The following CSMD1 variants were observed in gnomAD, a reference collection of about 807,000 sequenced individuals.
CSMD1 encodes the protein CUB and sushi domain-containing protein 1.
In CSMD1, 213 loss-of-function variants were observed where a neutral mutation model predicts 417.5. That is an observed-to-expected ratio of 0.51 (90% CI 0.46 to 0.57). CSMD1 has a LOEUF of 0.57. Ranked by LOEUF, CSMD1 falls within the 20% of genes least tolerant of loss-of-function variation. CSMD1 has a pLI of 0.00. For missense variants in CSMD1, 6,923 were observed against 4,529.7 expected (o/e 1.53, Z -15.17); for synonymous variants, 2,862 against 1,736.8 (o/e 1.65, Z -16.11).
chr8:3,914,313 C>G (rs1000314597), intron 5 of CSMD1, among the ~76,000 whole-genome samples: 1 of 151,726 alleles, frequency 6.6e-6, no homozygotes, highest in South Asian at 2.1e-4. Flanking sequence ...TTTTTAAGAA[C>G]GAGGAAGAGA....
chr8:4,892,953 G>A (rs1436881947), intron 1 of CSMD1, among the ~76,000 whole-genome samples: 1 of 152,056 alleles, frequency 6.6e-6, no homozygotes, highest in African/African-American at 2.4e-5. Context: ...GCATTAATAT[G>A]AGCATATTGT....
At chr8:3,045,576 G>A (rs1245864351) in intron 50 of CSMD1, among the ~76,000 whole-genome samples, 1 of 152,042 alleles carries the variant, frequency 6.6e-6, no homozygotes, top group Non-Finnish European at 1.5e-5. Flanking sequence ...TATTACCTAT[G>A]GTGACCCCAT....
chr8:4,335,647 T>C (rs1191461155), intron 3 of CSMD1, among the ~76,000 whole-genome samples: 1 of 152,128 alleles, frequency 6.6e-6, no homozygotes, highest in East Asian at 1.9e-4. Flanking sequence ...TTTAATAAAA[T>C]GAAAAGTTGC....
At chr8:3,780,512 T>G (rs932069288) in intron 5 of CSMD1, among the ~76,000 whole-genome samples, 1 of 152,164 alleles carries the variant, frequency 6.6e-6, no homozygotes, top group African/African-American at 2.4e-5. Flanking sequence ...TCAAGTCAAT[T>G]TTTGTGGTAC....
At chr8:4,606,050 T>A (rs928992903) in intron 2 of CSMD1, among the ~76,000 whole-genome samples, 3 of 152,202 alleles carry the variant, frequency 2.0e-5, no homozygotes, top group African/African-American at 7.2e-5. Context: ...ATTTCTATTT[T>A]GGAAGCCTGA....
At chr8:3,570,483 T>C (rs543073891) in intron 10 of CSMD1, among the ~76,000 whole-genome samples, 2 of 152,316 alleles carry the variant, frequency 1.3e-5, no homozygotes, top group South Asian at 4.1e-4. Flanking sequence ...TCATTAAACA[T>C]GACCAAATCG....
chr8:3,857,802 A>T (rs1804418697), intron 5 of CSMD1, among the ~76,000 whole-genome samples: 1 of 152,236 alleles, frequency 6.6e-6, no homozygotes, highest in African/African-American at 2.4e-5. Context: ...ATACAACACC[A>T]GGCCAGAGTA....
At chr8:3,919,417 T>C (rs1020804466) in intron 5 of CSMD1, among the ~76,000 whole-genome samples, 10 of 152,106 alleles carry the variant, frequency 6.6e-5, no homozygotes, top group African/African-American at 2.4e-4. Context: ...TGTGTCTTTT[T>C]GGCATGTTTT....
chr8:3,977,504 T>G (rs1283429463), intron 5 of CSMD1, among the ~76,000 whole-genome samples: 1 of 152,204 alleles, frequency 6.6e-6, no homozygotes, highest in Non-Finnish European at 1.5e-5. Context: ...AACTCACAGG[T>G]AATTTGCTTT....
intron 5 of CSMD1, among the ~76,000 whole-genome samples, chr8:3,889,501 C>G (rs1400498216): frequency 1.1e-5 from 1 of 91,552 alleles, no homozygotes; most frequent in South Asian, 4.0e-4. Flanking sequence ...ATAAAATATG[C>G]TCATTAGGTC....
At chr8:4,627,498 T>A (rs896141259) in intron 2 of CSMD1, among the ~76,000 whole-genome samples, 2 of 152,208 alleles carry the variant, frequency 1.3e-5, no homozygotes, top group Non-Finnish European at 2.9e-5. Context: ...CACTTTCTTT[T>A]CTCAGAAGGT....
chr8:2,998,190 G>T lies in CSMD1; in HGVS notation c.8204-6C>A, dbSNP rs561657740. ...AGGGTGACCACATGTGATGGCTGTAGAGAGACAGGTCAACGTCATTGTTAA... is the reference window on the plus strand; with the variant it reads ...AGGGTGACCACATGTGATGGCTGTATAGAGACAGGTCAACGTCATTGTTAA... On this transcript the variant is annotated splice_polypyrimidine_tract_variant and splice_region_variant and intron_variant, in intron 53 of 69. Transcript: ENST00000635120. 2 of 1,613,578 alleles carry T rather than the reference G, an allele frequency of 1.2e-6. No individual in the cohort carries two copies. Among genetic ancestry groups the T allele is most frequent in the South Asian group, 1.1e-5 (1 of 91,056 alleles).
chr8:4,213,545 G>C (rs899084202), intron 3 of CSMD1, among the ~76,000 whole-genome samples: 1 of 152,140 alleles, frequency 6.6e-6, no homozygotes, highest in African/African-American at 2.4e-5. Flanking sequence ...GACACACAAC[G>C]TCTAGAAATA....
Position 4,050,864 on chromosome 8 carries a change from G to A in CSMD1, c.416-18765C>T, listed in dbSNP as rs76537606. 7.9e-3 allele frequency among the ~76,000 whole-genome samples: 1,206 copies of A among 152,114 alleles called. 16 individuals carry two copies. The highest frequency in any genetic ancestry group is 0.021 in the African/African-American group (855 of 41,490). On this transcript the variant is annotated intron_variant, in intron 3 of 69. Transcript: ENST00000635120. ...TTAGAGAAGATTCTGGATCTGAAAGGGCACTTCTAATACTCCCAGATTAAA... is the reference window on the plus strand; with the variant it reads ...TTAGAGAAGATTCTGGATCTGAAAGAGCACTTCTAATACTCCCAGATTAAA...
At chr8:4,127,995 G>C (rs1427585440) in intron 3 of CSMD1, among the ~76,000 whole-genome samples, 1 of 152,182 alleles carries the variant, frequency 6.6e-6, no homozygotes, top group South Asian at 2.1e-4. Flanking sequence ...TTGGGAAAGG[G>C]ATGCTGTCAC....
intron 8 of CSMD1, among the ~76,000 whole-genome samples, chr8:3,608,101 G>A (rs774368146): frequency 6.6e-6 from 1 of 151,830 alleles, no homozygotes; most frequent in Non-Finnish European, 1.5e-5. Context: ...GAACCTGGGA[G>A]GTGGAGAGGT....
intron 7 of CSMD1, among the ~76,000 whole-genome samples, chr8:3,634,830 C>T (rs1387714051): frequency 3.9e-5 from 6 of 152,064 alleles, no homozygotes; most frequent in African/African-American, 9.7e-5. Context: ...CGATTCTTGA[C>T]GTTTTGCAAA....
At chr8:4,181,462 G>C (rs1469748040) in intron 3 of CSMD1, among the ~76,000 whole-genome samples, 1 of 151,842 alleles carries the variant, frequency 6.6e-6, no homozygotes, top group Non-Finnish European at 1.5e-5. Context: ...GGGTCACACA[G>C]AAAATACACT....
intron 49 of CSMD1, among the ~76,000 whole-genome samples, chr8:3,058,947 C>G (rs1387517321): frequency 1.3e-5 from 2 of 152,040 alleles, no homozygotes; most frequent in Non-Finnish European, 2.9e-5. Flanking sequence ...ATGCACTTTG[C>G]TCAACAACCA....
Sources: allele counts gnomAD v4.1 joint callset (sites outside exome capture counted in the v4.1 genomes callset), GRCh38; gene constraint gnomAD v4.1.1; transcripts MANE v1.5; gene names NCBI Gene and HGNC (gene_info 2026-07-23, HGNC 2026-07-21).